SMG5: variants seen among roughly 807,000 people sequenced by gnomAD.
SMG5 encodes nonsense-mediated mRNA decay factor SMG5.
In SMG5, 53 loss-of-function variants were observed where a neutral mutation model predicts 122.9. The ratio of observed to expected loss-of-function variants is 0.43; its 90% CI spans 0.35 to 0.54. The LOEUF (loss-of-function observed/expected upper bound fraction) is 0.54. Ranked by LOEUF, SMG5 falls within the 20% of genes least tolerant of loss-of-function variation. The pLI is 0.01. For synonymous variants in SMG5, 477 were observed against 490.2 expected, an observed-to-expected ratio of 0.97 and a Z score of 0.35; for missense variants, 1,153 against 1,285.6, an observed-to-expected ratio of 0.90 and a Z score of 1.58.
chr1:156,266,167 C>G lies in SMG5; in HGVS notation c.1469G>C (p.Ser490Thr). The change falls in exon 12 of 22, where the codon AGT becomes ACT. Residue 490 changes from serine to threonine, a missense_variant. Physicochemically the swap from Ser to Thr is moderately conservative, Grantham distance 58. This residue lies in a region of SMG5 where 631 missense variants were observed against 650.6 expected (regional missense o/e 0.97). Transcript: ENST00000361813. The part of the protein sequence containing the change: ...SDSSHDSARA[S>T]EGSDSGSDKS... ...GTCAGAGCCACTGTCTGAGCCCTCA[C>G]TGGCCCGGGCTGAGTCATGGCTTGA... 6.2e-7 allele frequency: 1 copy of G among 1,614,270 alleles called. No individual in the cohort carries two copies.
intron 7 of SMG5, among the ~76,000 whole-genome samples, chr1:156,269,335 A>C (rs1490895612): frequency 6.6e-6 from 1 of 152,072 alleles, no homozygotes; most frequent in Non-Finnish European, 1.5e-5. Context: ...GGCTGGCCTT[A>C]AACTCCTGGA....
intron 13 of SMG5, among the ~76,000 whole-genome samples, chr1:156,263,126 T>G (rs575601201): frequency 6.6e-6 from 1 of 152,264 alleles, no homozygotes; most frequent in Admixed American, 6.5e-5. Flanking sequence ...CCGGCATTAC[T>G]CATAATGGCA....
chr1:156,271,092 G>A (rs568744692), intron 7 of SMG5, among the ~76,000 whole-genome samples: 4 of 152,136 alleles, frequency 2.6e-5, no homozygotes, highest in East Asian at 1.9e-4. Flanking sequence ...TGAATATATC[G>A]GTATAGGTAT....
Position 156,266,631 on chromosome 1 carries a change from A to G in SMG5, c.1165T>C (p.Ser389Pro). 1 of 1,614,102 alleles carries G rather than the reference A, an allele frequency of 6.2e-7. No individual in the cohort carries two copies. Among genetic ancestry groups the G allele is most frequent in the Non-Finnish European group, 8.5e-7 (1 of 1,180,018 alleles). The change falls in exon 11 of 22, where the codon TCC (serine) becomes CCC (proline). Residue 389 changes from serine to proline, a missense_variant. Physicochemically the swap from Ser to Pro is moderately conservative, Grantham distance 74. Coordinates refer to ENST00000361813, the MANE Select transcript of SMG5 (RefSeq NM_015327.3). ...ATGTTGACATGATTGACGAGGTGGG[A>G]AAAGAGGGCCAGGGTGAAGGCAATG... ...AAIAFTLALF[S>P]HLVNHVNIRL... is the part of the protein sequence containing the mutation.
the SMG5 span, chr1:156,291,304 A>G: frequency 7.6e-7 from 1 of 1,322,896 alleles, no homozygotes; most frequent in Non-Finnish European, 1.1e-6. Context: ...TCCCCTATCT[A>G]CTCCCCCCAC....
intron 12 of SMG5, among the ~76,000 whole-genome samples, chr1:156,265,329 T>C (rs933489): frequency 0.48 from 73,346 of 151,778 alleles, 18,000 homozygotes; most frequent in Admixed American, 0.59. Context: ...CACCCTAGAA[T>C]GATGCATAGA....
intron 12 of SMG5, among the ~76,000 whole-genome samples, chr1:156,265,206 A>T (rs1662068991): frequency 6.7e-6 from 1 of 149,772 alleles, no homozygotes; most frequent in Non-Finnish European, 1.5e-5. Context: ...TCTGGGGGAT[A>T]GGTAAGACCC....
At chr1:156,263,703 C>G (rs1271557845) in intron 12 of SMG5, 133 bp from the exon 13 acceptor site, 1 of 934,444 alleles carries the variant, frequency 1.1e-6, no homozygotes, top group East Asian at 2.8e-5. Context: ...TATGAAAAAT[C>G]TGGGGAACCA....
intron 6 of SMG5, 90 bp from the exon 7 acceptor site, chr1:156,272,488 T>G (rs982089510): frequency 9.4e-7 from 1 of 1,059,570 alleles, no homozygotes. Context: ...AGAGAACCTG[T>G]AGGGAGAACA....
At chr1:156,279,438 A>G (rs1319596690) in intron 1 of SMG5, among the ~76,000 whole-genome samples, 2 of 152,116 alleles carry the variant, frequency 1.3e-5, no homozygotes, top group Non-Finnish European at 2.9e-5. Flanking sequence ...GACTCTCCCA[A>G]TGGAAAGAGC....
upstream of SMG5, among the ~76,000 whole-genome samples, chr1:156,284,035 T>C (rs1029716206): frequency 3.9e-5 from 6 of 152,252 alleles, no homozygotes; most frequent in Non-Finnish European, 8.8e-5. Context: ...ACAAATTCCA[T>C]TTCTGGGTAT....
Position 156,257,069 on chromosome 1 carries a change from G to A in SMG5, c.2442+1936C>T, listed in dbSNP as rs566648832. Reference sequence around the variant, plus strand: ...AGCCTCCCAAGTAGCTGGGACTACAGGCACCTGCCACCATGCCCGGCTATT... The same window carrying A: ...AGCCTCCCAAGTAGCTGGGACTACAAGCACCTGCCACCATGCCCGGCTATT... On this transcript the variant is annotated intron_variant, in intron 16 of 21. Coordinates refer to ENST00000361813, the MANE Select transcript of SMG5 (RefSeq NM_015327.3). Among the ~76,000 whole-genome samples the A allele has an allele frequency of 2.0e-5, 3 of 152,202 alleles. No homozygotes were observed. In the South Asian group the frequency reaches 6.2e-4, roughly 32 times the overall value.
upstream of SMG5, chr1:156,285,984 G>C (rs1268677073): frequency 1.2e-5 from 19 of 1,595,878 alleles, no homozygotes; most frequent in East Asian, 6.7e-5. Flanking sequence ...ATTGTGCTGG[G>C]TGAGCCTGTG....
chr1:156,276,366 A>T (rs1662687769), intron 4 of SMG5, among the ~76,000 whole-genome samples: 1 of 152,004 alleles, frequency 6.6e-6, no homozygotes, highest in Non-Finnish European at 1.5e-5. Context: ...ACCTCAGGTG[A>T]TCCACCTGCC....
chr1:156,283,754 C>T (rs1464578116), upstream of SMG5, among the ~76,000 whole-genome samples: 2 of 152,204 alleles, frequency 1.3e-5, no homozygotes, highest in Non-Finnish European at 2.9e-5. Flanking sequence ...CTAAGTCTTT[C>T]CCATCCATTG....
At chr1:156,261,693 G>A (rs2365152) in intron 13 of SMG5, among the ~76,000 whole-genome samples, 35,358 of 151,826 alleles carry the variant, frequency 0.23, 4,352 homozygotes, top group Admixed American at 0.33. Flanking sequence ...TTGGAGACCA[G>A]CTTGGCCAAC....
chr1:156,277,193 C>T lies in SMG5; in HGVS notation c.346G>A (p.Val116Ile). The change falls in exon 4 of 22, where the codon GTT becomes ATT. Residue 116 changes from valine (V) to isoleucine (I), a missense_variant. By Grantham distance (29) the Val-to-Ile change is conservative. Coordinates refer to ENST00000361813, the MANE Select transcript of SMG5 (RefSeq NM_015327.3). ...TLECAYRTHL[V>I]AGIGFYQHLL... ...TGCTGGTAGAAGCCAATACCAGCAACCAGGTGCGTCCTGTAGGCACATTCC... is the reference window on the plus strand; with the variant it reads ...TGCTGGTAGAAGCCAATACCAGCAATCAGGTGCGTCCTGTAGGCACATTCC... 1 of 1,613,924 alleles carries T rather than the reference C, an allele frequency of 6.2e-7. No homozygotes were observed. The highest frequency in any genetic ancestry group is 1.1e-5 in the South Asian group (1 of 91,058).
At chr1:156,289,479 G>T in the SMG5 span, among the ~76,000 whole-genome samples, 3 of 152,216 alleles carry the variant, frequency 2.0e-5, no homozygotes, top group African/African-American at 4.8e-5. Context: ...GGGCATGGTG[G>T]TGGGTACCTG....
At chr1:156,273,043 C>T (rs530833822) in intron 6 of SMG5, among the ~76,000 whole-genome samples, 3 of 152,128 alleles carry the variant, frequency 2.0e-5, no homozygotes, top group Admixed American at 2.0e-4. Flanking sequence ...AAATCCCCAT[C>T]TCTCTCTATA....
Sources: allele counts gnomAD v4.1 joint callset (sites outside exome capture counted in the v4.1 genomes callset), GRCh38; gene constraint gnomAD v4.1.1; regional missense constraint gnomAD v4.1.1; transcripts MANE v1.5; gene names NCBI Gene and HGNC (gene_info 2026-07-23, HGNC 2026-07-21).